The following CDC73 variants were observed in gnomAD, a reference collection of about 807,000 sequenced individuals.
CDC73 encodes cell division cycle 73, also known as parafibromin.
In CDC73, 21 loss-of-function variants were observed where a neutral mutation model predicts 83.7. The observed-to-expected ratio is 0.25, with a 90% CI of 0.18 to 0.36. The LOEUF (loss-of-function observed/expected upper bound fraction) is 0.36. Ranked by LOEUF, CDC73 falls within the 10% of genes least tolerant of loss-of-function variation. The pLI, the probability that CDC73 is intolerant of heterozygous loss-of-function variation, is 1.00. For missense variants in CDC73, 342 were observed against 653.3 expected (o/e 0.52, Z 5.19); for synonymous variants, 224 against 212.9 (o/e 1.05, Z -0.45).
chr1:193,208,411 A>G (rs1677224296), intron 11 of CDC73, among the ~76,000 whole-genome samples: 2 of 152,212 alleles, frequency 1.3e-5, no homozygotes, highest in Admixed American at 6.5e-5. Context: ...ATCTGAGTAC[A>G]TAACCATCTT....
chr1:193,132,543 G>T (rs1249546239), intron 3 of CDC73, among the ~76,000 whole-genome samples: 4 of 151,932 alleles, frequency 2.6e-5, no homozygotes, highest in African/African-American at 9.7e-5. Flanking sequence ...GAACTCTTGG[G>T]CTCAAGCAGT....
chr1:193,244,445 G>C (rs1286501944), intron 15 of CDC73, among the ~76,000 whole-genome samples: 1 of 152,288 alleles, frequency 6.6e-6, no homozygotes, highest in East Asian at 1.9e-4. Flanking sequence ...AGCTGGTTGT[G>C]GTGGTATGTG....
intron 10 of CDC73, among the ~76,000 whole-genome samples, chr1:193,177,088 G>A (rs933540424): frequency 1.3e-5 from 2 of 151,922 alleles, no homozygotes; most frequent in African/African-American, 2.4e-5. Context: ...TGTGAAAATG[G>A]TATGAAGCCT....
At chr1:193,137,923 T>C (rs1027307925) in intron 5 of CDC73, among the ~76,000 whole-genome samples, 162 bp from the exon 6 acceptor site, 1 of 152,232 alleles carries the variant, frequency 6.6e-6, no homozygotes, top group African/African-American at 2.4e-5. Context: ...TTTATTGTTA[T>C]TATCTTTACG....
At chr1:193,141,448 A>G (rs1246231817) in intron 6 of CDC73, among the ~76,000 whole-genome samples, 2 of 152,220 alleles carry the variant, frequency 1.3e-5, no homozygotes, top group Non-Finnish European at 1.5e-5. Flanking sequence ...AATTTCAAGG[A>G]AAACCTAGGC....
At chr1:193,204,840 C>T (rs1017614158) in intron 11 of CDC73, among the ~76,000 whole-genome samples, 1 of 152,142 alleles carries the variant, frequency 6.6e-6, no homozygotes, top group African/African-American at 2.4e-5. Context: ...CATCAGTTCT[C>T]TCATAGTTCC....
At chr1:193,135,780 A>G (rs1281665191) in intron 5 of CDC73, among the ~76,000 whole-genome samples, 191 bp downstream of exon 5, 1 of 151,880 alleles carries the variant, frequency 6.6e-6, no homozygotes, top group African/African-American at 2.4e-5. Flanking sequence ...AAGCTATGTG[A>G]GGGACAAATC....
chr1:193,174,655 C>A (rs1489985650), intron 10 of CDC73, among the ~76,000 whole-genome samples: 28 of 152,050 alleles, frequency 1.8e-4, no homozygotes, highest in Non-Finnish European at 4.1e-4. Flanking sequence ...TTACATTGTT[C>A]CTGGCGAATC....
At chr1:193,205,629 G>C (rs1677176141) in intron 11 of CDC73, among the ~76,000 whole-genome samples, 1 of 152,114 alleles carries the variant, frequency 6.6e-6, no homozygotes, top group Non-Finnish European at 1.5e-5. Flanking sequence ...GTTATACTTA[G>C]ACTAGATTGG....
chr1:193,237,280 A>G (rs1677777823), intron 15 of CDC73, among the ~76,000 whole-genome samples: 1 of 152,076 alleles, frequency 6.6e-6, no homozygotes, highest in African/African-American at 2.4e-5. Flanking sequence ...GAAAATACCC[A>G]AGCTTGAAAG....
Position 193,135,556 on chromosome 1 carries a change from A to G in CDC73, c.390A>G (p.Glu130=). The G allele has an allele frequency of 6.2e-7, 1 of 1,613,624 alleles. No homozygotes were observed. The highest frequency in any genetic ancestry group is 8.5e-7 in the Non-Finnish European group (1 of 1,179,630). The change falls in exon 5 of 17, where the codon GAA becomes GAG. Residue 130 remains glutamate (E), a synonymous_variant. Transcript: ENST00000367435. ...TTATAGTCAAACGAGCTGCAGATGAAGTTTTAGCAGAAGCAAAGAAACCAC... is the reference window on the plus strand; with the variant it reads ...TTATAGTCAAACGAGCTGCAGATGAGGTTTTAGCAGAAGCAAAGAAACCAC... The part of the protein sequence containing the change: ...RSTQVKRAAD[E]VLAEAKKPRI...
intron 7 of CDC73, among the ~76,000 whole-genome samples, chr1:193,147,209 G>T (rs1676016264): frequency 6.6e-6 from 1 of 151,658 alleles, no homozygotes; most frequent in Non-Finnish European, 1.5e-5. Flanking sequence ...AGCCAGAATG[G>T]CCTCAATCTC....
chr1:193,182,199 G>C (rs1250806997), intron 10 of CDC73, among the ~76,000 whole-genome samples: 1 of 152,040 alleles, frequency 6.6e-6, no homozygotes, highest in Non-Finnish European at 1.5e-5. Flanking sequence ...TACACTGCTT[G>C]GCATGTTTCC....
rs180706669 is a variant in CDC73, at chr1:193,180,171, C to G, written c.973-23624C>G. 4.1e-5 allele frequency: 33 copies of G among 813,688 alleles called. No individual in the cohort carries two copies. The African/African-American group carries it at 5.7e-4, about 14-fold the overall frequency. The allele number at this position is 813,688 out of a possible 1,614,324, so 50.4% of individuals were successfully genotyped here. A position where few individuals can be genotyped will look rare whatever the true frequency, so the allele number is the denominator to read the frequency against. On this transcript the variant is annotated intron_variant, in intron 10 of 16. Coordinates refer to ENST00000367435, the MANE Select transcript of CDC73 (RefSeq NM_024529.5). ...AACTTCTTCAGAAATTAAAAAAATA[C>G]TTCTTGAATTTCTTTATGTGATGAG...
At chr1:193,191,401 G>GT (rs897485636) in intron 10 of CDC73, among the ~76,000 whole-genome samples, 56 of 151,900 alleles carry the variant, frequency 3.7e-4, no homozygotes, top group African/African-American at 1.2e-3. Flanking sequence ...CTTTTTGTTT[G>GT]TTTTTTGAGA....
intron 13 of CDC73, among the ~76,000 whole-genome samples, chr1:193,218,007 T>C (rs1677400074): frequency 6.6e-6 from 1 of 152,210 alleles, no homozygotes; most frequent in African/African-American, 2.4e-5. Flanking sequence ...GAAAACCCCA[T>C]AGTCTCTACC....
At chr1:193,144,815 C>CT (rs34816338) in intron 7 of CDC73, among the ~76,000 whole-genome samples, 6,963 of 139,188 alleles carry the variant, frequency 0.05, 167 homozygotes, top group African/African-American at 0.066. Flanking sequence ...ATTTGGCAGA[C>CT]TTTTTTTTTT....
intron 9 of CDC73, among the ~76,000 whole-genome samples, chr1:193,151,797 GC>G (rs1233879344): frequency 6.6e-6 from 1 of 152,040 alleles, no homozygotes; most frequent in Non-Finnish European, 1.5e-5. Context: ...GGTGGTGCAT[GC>G]CAGTGGTCCT....
chr1:193,128,519 G>A (rs1449747707), intron 2 of CDC73, among the ~76,000 whole-genome samples: 1 of 151,702 alleles, frequency 6.6e-6, no homozygotes, highest in Non-Finnish European at 1.5e-5. Flanking sequence ...TGCTCAGGCT[G>A]GTCTCGAACT....
Sources: allele counts gnomAD v4.1 joint callset (sites outside exome capture counted in the v4.1 genomes callset), GRCh38; gene constraint gnomAD v4.1.1; transcripts MANE v1.5; gene names NCBI Gene and HGNC (gene_info 2026-07-23, HGNC 2026-07-21).